Variants in SOX5 observed in about 807,000 individuals in gnomAD.
The protein encoded by SOX5 is transcription factor SOX-5.
In SOX5, 9 loss-of-function variants were observed where a neutral mutation model predicts 92.0. The observed-to-expected ratio is 0.10, with a 90% CI of 0.06 to 0.17. The LOEUF is 0.17. SOX5 is among the 10% of genes least tolerant of loss of function. The probability of loss-of-function intolerance (pLI) is 1.00; values close to 1 mark genes in which losing one functional copy is unlikely to be tolerated. For synonymous variants in SOX5, 344 were observed against 336.3 expected (o/e 1.02, Z -0.25); for missense variants, 642 against 944.5 (o/e 0.68, Z 4.20).
chr12:24,520,224 A>T (rs925017363), intron 1 of SOX5, among the ~76,000 whole-genome samples: 4 of 152,164 alleles, frequency 2.6e-5, no homozygotes, highest in African/African-American at 9.6e-5. Context: ...TAACAGTAAC[A>T]TGAAGGCATA....
At chr12:23,779,805 A>ATC (rs2095226315) in intron 3 of SOX5, among the ~76,000 whole-genome samples, 1 of 103,420 alleles carries the variant, frequency 9.7e-6, no homozygotes, top group South Asian at 3.6e-4. Flanking sequence ...ATATATATAT[A>ATC]TATATATATA....
intron 4 of SOX5, among the ~76,000 whole-genome samples, chr12:24,197,116 T>C (rs1322280802): frequency 6.6e-6 from 1 of 152,212 alleles, no homozygotes; most frequent in Non-Finnish European, 1.5e-5. Flanking sequence ...AACTAACTGT[T>C]TGTCAATTAG....
chr12:24,056,285 G>T (rs1017476789), intron 4 of SOX5, among the ~76,000 whole-genome samples: 36 of 152,088 alleles, frequency 2.4e-4, no homozygotes, highest in African/African-American at 8.0e-4. Flanking sequence ...ACAACACACA[G>T]GAAGCCAAAG....
At chr12:24,437,688 C>T (rs1191856499) in intron 1 of SOX5, among the ~76,000 whole-genome samples, 1 of 152,202 alleles carries the variant, frequency 6.6e-6, no homozygotes, top group African/African-American at 2.4e-5. Flanking sequence ...AAAAAAAGCT[C>T]ATCATCACTG....
chr12:24,180,491 CTTG>C (rs1232495662), intron 4 of SOX5, among the ~76,000 whole-genome samples: 2 of 152,160 alleles, frequency 1.3e-5, no homozygotes, highest in Admixed American at 6.5e-5. Context: ...AGTCTAAGGA[CTTG>C]TTGTGGCTGT....
chr12:23,542,487 T>A (rs143200463), intron 13 of SOX5, among the ~76,000 whole-genome samples: 6 of 152,336 alleles, frequency 3.9e-5, no homozygotes, highest in African/African-American at 1.4e-4. Flanking sequence ...ATAATAGGTA[T>A]CTTTATAATC....
At chr12:24,052,295 C>T (rs1293295580) in intron 4 of SOX5, among the ~76,000 whole-genome samples, 1 of 152,116 alleles carries the variant, frequency 6.6e-6, no homozygotes, top group Non-Finnish European at 1.5e-5. Flanking sequence ...AAAATTTTCA[C>T]CTGACTTCTA....
intron 2 of SOX5, among the ~76,000 whole-genome samples, chr12:24,313,472 G>A (rs974553127): frequency 4.6e-5 from 7 of 152,276 alleles, no homozygotes; most frequent in African/African-American, 1.7e-4. Context: ...CAAAGTTACA[G>A]TGAGCTATGA....
chr12:24,508,862 C>G (rs1409188479), intron 1 of SOX5, among the ~76,000 whole-genome samples: 1 of 152,020 alleles, frequency 6.6e-6, no homozygotes, highest in Non-Finnish European at 1.5e-5. Flanking sequence ...AAAGCTCAGA[C>G]TAAAAGGAGA....
rs77240637 is a variant in SOX5 at position 24,176,977 on chromosome 12, G to T, written c.-2+36366C>A. 1.3e-3 allele frequency among the ~76,000 whole-genome samples: 172 copies of T among 135,046 alleles called. 1 individual carries two copies. Among genetic ancestry groups the T allele is most frequent in the African/African-American group, 1.1e-3 (38 of 35,256 alleles). The allele number at this position is 135,046 out of a possible 152,430, so 88.6% of individuals were successfully genotyped here. On this transcript the variant is annotated intron_variant, in intron 4 of 4. Transcript: ENST00000446891. ...TCAGAGCAGTCAAGTTTTGTTTTTT[G>T]TTTTTTTTTTTTTTTTTTGTCATCA...
chr12:24,068,745 T>TACAC (rs1569532068), intron 4 of SOX5, among the ~76,000 whole-genome samples: 1 of 76,876 alleles, frequency 1.3e-5, no homozygotes, highest in Non-Finnish European at 2.7e-5. Flanking sequence ...TATATATATA[T>TACAC]ATACACACAC....
intron 8 of SOX5, among the ~76,000 whole-genome samples, chr12:23,632,796 A>G (rs1443784640): frequency 1.3e-5 from 2 of 152,142 alleles, no homozygotes. Context: ...ATTCTCTAAC[A>G]TGATCACACA....
At chr12:23,831,883 T>C (rs975577275) in intron 3 of SOX5, among the ~76,000 whole-genome samples, 2 of 151,070 alleles carry the variant, frequency 1.3e-5, no homozygotes, top group African/African-American at 4.9e-5. Context: ...GTAGGCGTCC[T>C]GCTCAGAAGG....
At chr12:24,279,821 C>A (rs1335081774) in intron 2 of SOX5, among the ~76,000 whole-genome samples, 1 of 152,134 alleles carries the variant, frequency 6.6e-6, no homozygotes, top group East Asian at 1.9e-4. Flanking sequence ...TTCAGAGACA[C>A]AGAAATAACT....
At chr12:24,326,148 T>TGG (rs1457288983) in intron 2 of SOX5, among the ~76,000 whole-genome samples, 1 of 152,130 alleles carries the variant, frequency 6.6e-6, no homozygotes, top group Non-Finnish European at 1.5e-5. Flanking sequence ...ACAGAGTGGG[T>TGG]GGGTACCTAG....
At chr12:24,201,123 T>C (rs748245405) in intron 4 of SOX5, among the ~76,000 whole-genome samples, 1 of 152,176 alleles carries the variant, frequency 6.6e-6, no homozygotes, top group African/African-American at 2.4e-5. Flanking sequence ...GCACTAACTC[T>C]TGTGATTCTG....
At chr12:24,275,390 T>C (rs1478796175) in intron 3 of SOX5, among the ~76,000 whole-genome samples, 2 of 152,116 alleles carry the variant, frequency 1.3e-5, no homozygotes, top group Non-Finnish European at 1.5e-5. Context: ...CTTGGAAACA[T>C]AGTATATCTT....
intron 1 of SOX5, among the ~76,000 whole-genome samples, chr12:23,910,378 TC>T (rs956128593): frequency 1.3e-5 from 2 of 152,168 alleles, no homozygotes; most frequent in Non-Finnish European, 2.9e-5. Context: ...ATTAATCCTT[TC>T]AAAATCCTAG....
chr12:24,467,616 G>T (rs936829980), intron 1 of SOX5, among the ~76,000 whole-genome samples: 1 of 152,154 alleles, frequency 6.6e-6, no homozygotes, highest in Non-Finnish European at 1.5e-5. Flanking sequence ...ACAAGCTTAG[G>T]ATCAGATCAT....
Sources: gnomAD v4.1 joint callset for allele counts (sites outside exome capture counted in the v4.1 genomes callset) on GRCh38, gnomAD v4.1.1 for gene constraint, MANE v1.5 for transcripts, NCBI Gene and HGNC (gene_info 2026-07-23, HGNC 2026-07-21) for gene names.